The following ANKRD26 variants were observed in gnomAD, a reference collection of about 807,000 sequenced individuals.
ANKRD26 encodes ankyrin repeat domain-containing protein 26.
Under a neutral mutation model 208.7 loss-of-function variants are expected in ANKRD26, and 141 were observed. The observed-to-expected ratio is 0.68, with a 90% confidence interval of 0.59 to 0.78. The LOEUF is 0.78. Among genes scored for constraint, ANKRD26 ranks in the 30% least tolerant of loss-of-function variants. ANKRD26 has a pLI of 0.00. For synonymous variants in ANKRD26, 636 were observed against 660.4 expected (o/e 0.96, Z 0.57); for missense variants, 1,889 against 1,938.7 (o/e 0.97, Z 0.48).
chr10:26,980,045 T>C (rs549594729), intron 5 of ANKRD26, among the ~76,000 whole-genome samples: 2 of 152,320 alleles, frequency 1.3e-5, no homozygotes, highest in African/African-American at 4.8e-5. Context: ...GGCTAAATCA[T>C]CATCTGGTCT....
intron 24 of ANKRD26, among the ~76,000 whole-genome samples, 183 bp from the exon 25 acceptor site, chr10:27,033,560 G>A (rs1010584328): frequency 3.9e-5 from 6 of 152,018 alleles, no homozygotes; most frequent in Non-Finnish European, 8.8e-5. Flanking sequence ...TTCAGTTAAG[G>A]ACACAGGTGT....
intron 4 of ANKRD26, among the ~76,000 whole-genome samples, chr10:27,087,503 G>C (rs1486060935): frequency 6.6e-6 from 1 of 152,052 alleles, no homozygotes; most frequent in Admixed American, 6.5e-5. Context: ...TCCTAATTTT[G>C]GTTATTAGTT....
downstream of ANKRD26, among the ~76,000 whole-genome samples, chr10:26,973,649 C>CTTTTTTTTTTTTTTTTTTTTTTTTCTT (rs71386903): frequency 1.1e-5 from 1 of 88,428 alleles, no homozygotes; most frequent in African/African-American, 4.6e-5. Flanking sequence ...TTTATTTGTC[C>CTTTTTTTTTTTTTTTTTTTTTTTTCTT]TTTTTTTTTT....
rs950979369 is a variant in ANKRD26, at chr10:27,010,760, G to A, written c.4953+2122C>T. On this transcript the variant is annotated intron_variant, in intron 32 of 33. Coordinates refer to ENST00000376087, the MANE Select transcript of ANKRD26 (RefSeq NM_014915.3). ...TGAGCTCAGGTGATCTTCCTGCTTC[G>A]GCCTCCCAAAGTGTTGGGATTATAG... is the stretch of plus-strand genomic sequence containing the variant. 4.6e-5 allele frequency among the ~76,000 whole-genome samples: 7 copies of A among 152,000 alleles called. No homozygotes were observed. In the East Asian group the frequency reaches 5.8e-4, roughly 13 times the overall value.
intron 15 of ANKRD26, among the ~76,000 whole-genome samples, chr10:27,058,418 T>C (rs2054918982): frequency 6.6e-6 from 1 of 152,222 alleles, no homozygotes; most frequent in South Asian, 2.1e-4. Context: ...TCATGGGTCA[T>C]AGCTCTAAAG....
At chr10:26,975,582 C>T (rs2052214589) in exon 6 of ANKRD26, among the ~76,000 whole-genome samples, 1 of 151,964 alleles carries the variant, frequency 6.6e-6, no homozygotes, top group Non-Finnish European at 1.5e-5. Context: ...TGGCTCACAC[C>T]TGTAATCCCA....
chr10:27,011,079 G>A (rs1426900393), intron 32 of ANKRD26, among the ~76,000 whole-genome samples: 2 of 152,162 alleles, frequency 1.3e-5, no homozygotes, highest in East Asian at 3.8e-4. Flanking sequence ...GCCTGGTAAA[G>A]AAACAAGGTT....
In ANKRD26 at chr10:27,066,516, C is replaced by T. The variant is rs1215074917; in HGVS notation, c.1240G>A (p.Glu414Lys). Residue 414 changes from glutamate (E) to lysine (K), a missense_variant, in exon 11 of 34, where the codon GAA becomes AAA. By Grantham distance (56) the Glu-to-Lys change is moderately conservative. Around this residue, in one of 3 missense-constraint regions of ANKRD26, gnomAD observed 1,272 missense variants for 1,273.8 expected, o/e 1.00. Transcript: ENST00000376087. Reference protein sequence around the residue: ...MMSALGLGQEEDIESPWDSES... With the variant: ...MMSALGLGQEKDIESPWDSES... ...GAATCCCAAGGTGATTCTATATCTTCCTCTTGTCCTAATCCTAATGCGGAC... is the reference window on the plus strand; with the variant it reads ...GAATCCCAAGGTGATTCTATATCTTTCTCTTGTCCTAATCCTAATGCGGAC... 2 of 1,600,760 alleles carry T rather than the reference C, an allele frequency of 1.2e-6. No individual in the cohort carries two copies. Among genetic ancestry groups the T allele is most frequent in the African/African-American group, 2.7e-5 (2 of 74,718 alleles).
chr10:26,951,019 C>CTTTTTTTTTTTTTTTTTTTTTTTCTTT, the ANKRD26 span, among the ~76,000 whole-genome samples: 1 of 48,582 alleles, frequency 2.1e-5, no homozygotes, highest in African/African-American at 5.6e-5. Context: ...TTTTCTTTTT[C>CTTTTTTTTTTTTTTTTTTTTTTTCTTT]TTTTTTTTTT....
chr10:27,043,853 G>A (rs1276146584), intron 19 of ANKRD26, among the ~76,000 whole-genome samples: 3 of 151,236 alleles, frequency 2.0e-5, no homozygotes, highest in African/African-American at 4.9e-5. Flanking sequence ...GTGCAGTATC[G>A]TGACCATAGC....
chr10:27,073,966 A>G (rs1433880467), intron 9 of ANKRD26, among the ~76,000 whole-genome samples: 1 of 152,218 alleles, frequency 6.6e-6, no homozygotes, highest in African/African-American at 2.4e-5. Context: ...CTAGGTGACA[A>G]TAAACTATAG....
At chr10:27,087,090 T>C (rs1439776688) in intron 4 of ANKRD26, among the ~76,000 whole-genome samples, 1 of 152,008 alleles carries the variant, frequency 6.6e-6, no homozygotes, top group Non-Finnish European at 1.5e-5. Flanking sequence ...TTATTAAGCT[T>C]CAAATTAAAG....
At position 27,067,034 on chromosome 10, in the gene ANKRD26, T is replaced by C. The variant is rs538687124; in HGVS notation, c.1207+123A>G. The C allele has an allele frequency of 3.7e-6, 4 of 1,083,834 alleles. No homozygotes were observed. The East Asian group carries it at 7.5e-5, about 20-fold the overall frequency. 67.1% of individuals were successfully genotyped at this position (1,083,834 alleles called of 1,614,324 possible). A position where few individuals can be genotyped will look rare whatever the true frequency, so the allele number is the denominator to read the frequency against. ...GTTGGCTAGGCTGGTCTCGAACTCC[T>C]GACCTCAGGTGATCCACCTGCCTCA... On this transcript the variant is annotated intron_variant, in intron 10 of 33. Coordinates refer to ENST00000376087, the MANE Select transcript of ANKRD26 (RefSeq NM_014915.3).
the ANKRD26 span, among the ~76,000 whole-genome samples, chr10:26,956,527 G>A: frequency 6.6e-6 from 1 of 152,004 alleles, no homozygotes; most frequent in South Asian, 2.1e-4. Context: ...AGCACTTTGG[G>A]AGGCCAAAGT....
chr10:27,069,234 A>G, intron 9 of ANKRD26, among the ~76,000 whole-genome samples: 1 of 149,654 alleles, frequency 6.7e-6, no homozygotes, highest in African/African-American at 2.4e-5. Flanking sequence ...GATATGAGAA[A>G]TGATAAGCAG....
rs368092408 is a variant in ANKRD26 at position 27,079,175 on chromosome 10, A to C, written c.741-14T>G. 55 of 1,602,118 alleles carry C rather than the reference A, an allele frequency of 3.4e-5. 1 individual carries two copies. The highest frequency in any genetic ancestry group is 4.4e-5 in the Non-Finnish European group (52 of 1,169,230). On this transcript the variant is annotated splice_polypyrimidine_tract_variant and intron_variant, in intron 6 of 33. Transcript: ENST00000376087. ...TTGCCAGAAAGCCTTTAGAACAAAA[A>C]TATAGAAAAATGAGTGAATTCATTT...
rs2053691259 is a variant in ANKRD26 at position 27,027,232 on chromosome 10, GA to G, written c.3972+1619del. Among the ~76,000 whole-genome samples the G allele has an allele frequency of 2.0e-5, 3 of 152,152 alleles. No individual in the cohort carries two copies. In the South Asian group the frequency reaches 6.2e-4, roughly 32 times the overall value. On this transcript the variant is annotated intron_variant, in intron 27 of 33. Coordinates refer to ENST00000376087, the MANE Select transcript of ANKRD26 (RefSeq NM_014915.3). ...AGGTTTTTCTTTTTTAAAATCCAAA[GA>G]GAAAAACACATTACTTTGGGGGAAA...
chr10:26,961,400 C>T, the ANKRD26 span, among the ~76,000 whole-genome samples: 1 of 152,124 alleles, frequency 6.6e-6, no homozygotes, highest in South Asian at 2.1e-4. Flanking sequence ...CAAAAGTAAG[C>T]ATGACTTCCA....
At chr10:27,073,608 TTGGGGTAC>T (rs2055584544) in intron 9 of ANKRD26, among the ~76,000 whole-genome samples, 1 of 152,178 alleles carries the variant, frequency 6.6e-6, no homozygotes, top group Non-Finnish European at 1.5e-5. Context: ...AAGGCCAAAC[TTGGGGTAC>T]TGCATTTATC....
Sources: gnomAD v4.1 joint callset for allele counts (sites outside exome capture counted in the v4.1 genomes callset) on GRCh38, gnomAD v4.1.1 for gene constraint, gnomAD v4.1.1 regional missense constraint, MANE v1.5 for transcripts, NCBI Gene and HGNC (gene_info 2026-07-23, HGNC 2026-07-21) for gene names.